The following RPL5 variants were observed in gnomAD, a reference collection of about 807,000 sequenced individuals.
RPL5 encodes ribosomal protein L5.
A neutral mutation model predicts 38.4 loss-of-function variants in RPL5; 1 was observed. That is an observed-to-expected ratio of 0.03 (90% CI 0.01 to 0.12). The LOEUF is 0.12. RPL5 is among the 10% of genes least tolerant of loss of function. The probability of loss-of-function intolerance (pLI) is 1.00; values close to 1 mark genes in which losing one functional copy is unlikely to be tolerated. For synonymous variants in RPL5, 109 were observed against 121.2 expected (o/e 0.90, Z 0.66); for missense variants, 243 against 374.1 (o/e 0.65, Z 2.89).
In RPL5 at chr1:92,840,631, AAAG is replaced by A. The variant is rs1687318158; in HGVS notation, c.791_793del (p.Lys264del). ...AAAAGAAGCCCAAGAAAGAAGTTAA[AAAG>A]AAGAGGTATGTCGTCTTTTTTTTTG... On this transcript the variant is annotated inframe_deletion, in exon 7 of 8. Coordinates refer to ENST00000370321, the MANE Select transcript of RPL5 (RefSeq NM_000969.5). The A allele has an allele frequency of 1.2e-6, 2 of 1,608,364 alleles. No homozygotes were observed. Among genetic ancestry groups the A allele is most frequent in the Non-Finnish European group, 1.7e-6 (2 of 1,179,414 alleles).
At position 92,840,572 on chromosome 1, in the gene RPL5, G is replaced by A; in HGVS notation, c.727G>A (p.Ala243Thr). The change falls in exon 7 of 8, where the codon GCT becomes ACT. Residue 243 changes from alanine (A) to threonine (T), a missense_variant. Transcript: ENST00000370321. ...PDMMEEMYKK[A>T]HAAIRENPVY... is the part of the protein sequence containing the mutation. ...TCAGATGGAGGAGATGTATAAGAAA[G>A]CTCATGCTGCTATACGAGAGAATCC... The A allele has an allele frequency of 6.2e-7, 1 of 1,613,110 alleles. No individual in the cohort carries two copies.
chr1:92,838,363 T>C (rs1182783434), intron 6 of RPL5, among the ~76,000 whole-genome samples: 2 of 152,226 alleles, frequency 1.3e-5, no homozygotes, highest in Non-Finnish European at 2.9e-5. Flanking sequence ...TACTTATGAC[T>C]TCATCCTGGT....
chr1:92,832,484 A>AG (rs535306305), intron 1 of RPL5, among the ~76,000 whole-genome samples: 74 of 152,112 alleles, frequency 4.9e-4, no homozygotes, highest in African/African-American at 1.8e-3. Context: ...GCCAGAATGG[A>AG]GGGGGGCTGC....
At chr1:92,832,004 C>G (rs931204478), upstream of RPL5, 9 of 1,536,926 alleles carry the variant, frequency 5.9e-6, no homozygotes, top group African/African-American at 1.2e-4. Flanking sequence ...GCGTGACCGT[C>G]CGCGCTACAT....
chr1:92,836,268 A>G lies in RPL5; in HGVS notation c.403A>G (p.Ile135Val), dbSNP rs200075817. Residue 135 changes from isoleucine (I) to valine (V), a missense_variant, in exon 5 of 8, where the codon ATT becomes GTT. By Grantham distance (29) the Ile-to-Val change is conservative. Transcript: ENST00000370321. ...VTGDEYNVES[I>V]DGQPGAFTCY... ...TGGTGATGAATACAATGTGGAAAGC[A>G]TTGATGGTCAGCCAGGTGCCTTCAC... is the stretch of plus-strand genomic sequence containing the variant. 67 of 1,614,110 alleles carry G rather than the reference A, an allele frequency of 4.2e-5. No homozygotes were observed. The Admixed American group carries it at 1.0e-3, about 25-fold the overall frequency.
At position 92,836,274 on chromosome 1, in the gene RPL5, G is replaced by T. The variant is rs746606485; in HGVS notation, c.409G>T (p.Gly137Cys). The T allele has an allele frequency of 6.2e-7, 1 of 1,614,106 alleles. No homozygotes were observed. Among genetic ancestry groups the T allele is most frequent in the Non-Finnish European group, 8.5e-7 (1 of 1,179,988 alleles). Residue 137 changes from glycine to cysteine, a missense_variant, in exon 5 of 8, where the codon GGT becomes TGT. Gly to Cys is a radical substitution (Grantham distance 159). Coordinates refer to ENST00000370321, the MANE Select transcript of RPL5 (RefSeq NM_000969.5). ...GDEYNVESIDGQPGAFTCYLD... is the reference protein window; with the variant it reads ...GDEYNVESIDCQPGAFTCYLD... ...TGAATACAATGTGGAAAGCATTGATGGTCAGCCAGGTGCCTTCACCTGCTA... is the reference window on the plus strand; with the variant it reads ...TGAATACAATGTGGAAAGCATTGATTGTCAGCCAGGTGCCTTCACCTGCTA...
At position 92,835,958 on chromosome 1, in the gene RPL5, A is replaced by G. The variant is rs139216657; in HGVS notation, c.325-232A>G. ...ATAAGTCAAGTGTGGACATGTAGCA[A>G]AGATGCAAAAGTCATAAAACAAAAT... On this transcript the variant is annotated intron_variant, in intron 4 of 7. Transcript: ENST00000370321. Among the ~76,000 whole-genome samples the G allele has an allele frequency of 4.5e-3, 685 of 152,318 alleles. 10 individuals are homozygous for G. Among genetic ancestry groups the G allele is most frequent in the African/African-American group, 0.015 (632 of 41,556 alleles).
chr1:92,840,148 T>C, intron 6 of RPL5: 1 of 251,950 alleles, frequency 4.0e-6, no homozygotes, highest in Non-Finnish European at 7.7e-6. Context: ...GGACTACAGG[T>C]GCATGCCACC....
chr1:92,834,524 T>C lies in RPL5; in HGVS notation c.190-255T>C, dbSNP rs573489550. 4.7e-4 allele frequency among the ~76,000 whole-genome samples: 71 copies of C among 152,376 alleles called. No homozygotes were observed. The South Asian group carries it at 9.1e-3, about 20-fold the overall frequency. ...GTCTTCCTCCGTACCCAAGTTCAGA[T>C]AACTAAACGTTAGGTTCCTGAGACT... On this transcript the variant is annotated intron_variant, in intron 3 of 7. Transcript: ENST00000370321.
intron 3 of RPL5, chr1:92,833,887 C>T: frequency 1.9e-6 from 1 of 536,294 alleles, no homozygotes; most frequent in Non-Finnish European, 3.3e-6. Context: ...GGGAAGATTG[C>T]TTGAGCCCAG....
intron 7 of RPL5, chr1:92,840,869 A>AT (rs771758247): frequency 6.3e-5 from 40 of 634,432 alleles, no homozygotes; most frequent in African/African-American, 5.7e-4. Context: ...TGGTTACTGC[A>AT]TTTTTTTATT....
chr1:92,840,905 CT>C, intron 7 of RPL5: 1 of 574,162 alleles, frequency 1.7e-6, no homozygotes. Context: ...TTTTGTTGAT[CT>C]TTCATGTTTT....
chr1:92,836,180 T>G lies in RPL5; in HGVS notation c.325-10T>G. ...ATTGAAACCAGCATTTACATTGGTT[T>G]CTTGAATAGCTTCTCAATAGGTTTG... is the stretch of plus-strand genomic sequence containing the variant. On this transcript the variant is annotated splice_polypyrimidine_tract_variant and intron_variant, in intron 4 of 7. Transcript: ENST00000370321. The G allele has an allele frequency of 6.2e-7, 1 of 1,611,226 alleles. No homozygotes were observed. Among genetic ancestry groups the G allele is most frequent in the Non-Finnish European group, 8.5e-7 (1 of 1,179,028 alleles).
At chr1:92,838,682 A>G (rs1687218199) in intron 6 of RPL5, among the ~76,000 whole-genome samples, 3 of 152,218 alleles carry the variant, frequency 2.0e-5, no homozygotes, top group South Asian at 4.1e-4. Context: ...CTTTACCTCA[A>G]TTCAGGCATT....
intron 3 of RPL5, among the ~76,000 whole-genome samples, 192 bp from the exon 4 acceptor site, chr1:92,834,587 G>T (rs1236854271): frequency 6.6e-6 from 1 of 152,202 alleles, no homozygotes; most frequent in African/African-American, 2.4e-5. Context: ...AAAGATGATT[G>T]AAATATTTGG....
In RPL5 at chr1:92,836,610, C is replaced by T. The variant is rs1184920628; in HGVS notation, c.527+218C>T. On this transcript the variant is annotated intron_variant, in intron 5 of 7. Coordinates refer to ENST00000370321, the MANE Select transcript of RPL5 (RefSeq NM_000969.5). Reference sequence around the variant, plus strand: ...CCAGAGTTATTTGTCCCAAGTTTTTCGGGCCAGTTATTGAAAGAGATGGGA... The same window carrying T: ...CCAGAGTTATTTGTCCCAAGTTTTTTGGGCCAGTTATTGAAAGAGATGGGA... 10 of 558,232 alleles carry T rather than the reference C, an allele frequency of 1.8e-5. 1 individual carries two copies. Among genetic ancestry groups the T allele is most frequent in the South Asian group, 1.0e-4 (5 of 49,674 alleles). 34.6% of individuals were successfully genotyped at this position (558,232 alleles called of 1,614,324 possible). A position where few individuals can be genotyped will look rare whatever the true frequency, so the allele number is the denominator to read the frequency against.
At chr1:92,838,574 T>C in intron 6 of RPL5, among the ~76,000 whole-genome samples, 1 of 152,266 alleles carries the variant, frequency 6.6e-6, no homozygotes, top group East Asian at 1.9e-4. Flanking sequence ...TGTATTTTTC[T>C]AGCTGGCTCA....
At chr1:92,838,903 T>G (rs1290125422) in intron 6 of RPL5, among the ~76,000 whole-genome samples, 1 of 152,250 alleles carries the variant, frequency 6.6e-6, no homozygotes, top group African/African-American at 2.4e-5. Flanking sequence ...ATTATTTTCC[T>G]TTAATAATCT....
intron 1 of RPL5, chr1:92,832,773 G>A: frequency 3.9e-6 from 2 of 506,512 alleles, no homozygotes; most frequent in Non-Finnish European, 3.5e-6. Context: ...GGGATGAAAT[G>A]TTGCTTTAGC....
Sources: gnomAD v4.1 joint callset for allele counts (sites outside exome capture counted in the v4.1 genomes callset) on GRCh38, gnomAD v4.1.1 for gene constraint, MANE v1.5 for transcripts, NCBI Gene and HGNC (gene_info 2026-07-23, HGNC 2026-07-21) for gene names.